The following GRID2 variants were observed in gnomAD, a reference collection of about 807,000 sequenced individuals.
GRID2 encodes the protein glutamate ionotropic receptor delta type subunit 2.
In GRID2, 33 loss-of-function variants were observed where a neutral mutation model predicts 114.8. The observed-to-expected ratio is 0.29, with a 90% CI of 0.22 to 0.38. The LOEUF (loss-of-function observed/expected upper bound fraction) is 0.38. Ranked by LOEUF, GRID2 falls within the 10% of genes least tolerant of loss-of-function variation. GRID2 has a pLI of 1.00. For synonymous variants in GRID2, 505 were observed against 449.9 expected, an observed-to-expected ratio of 1.12 and a Z score of -1.55; for missense variants, 1,184 against 1,257.7, an observed-to-expected ratio of 0.94 and a Z score of 0.89.
chr4:92,332,066 A>G (rs1177600082), intron 1 of GRID2, among the ~76,000 whole-genome samples: 2 of 152,198 alleles, frequency 1.3e-5, no homozygotes, highest in Non-Finnish European at 2.9e-5. Flanking sequence ...TTATGCTTGA[A>G]GCTTAGAAAC....
intron 2 of GRID2, among the ~76,000 whole-genome samples, chr4:92,898,695 G>A (rs1227162813): frequency 6.6e-6 from 1 of 152,108 alleles, no homozygotes; most frequent in African/African-American, 2.4e-5. Flanking sequence ...AATCCTCTGA[G>A]CTTTGATTAT....
At chr4:93,131,066 A>G (rs571918989) in intron 4 of GRID2, among the ~76,000 whole-genome samples, 39 of 152,084 alleles carry the variant, frequency 2.6e-4, no homozygotes, top group African/African-American at 8.4e-4. Flanking sequence ...TTTCTTAGCA[A>G]TGACCAACCC....
At position 93,788,129 on chromosome 4, in the gene GRID2, C is replaced by T. The variant is rs142597678; in HGVS notation, c.222-18586C>T. On this transcript the variant is annotated intron_variant, in intron 1 of 1. Transcript: ENST00000637838. ...GTCAGGAGTTCAAGACCAGCCTGCT[C>T]AACATGGCGAAACCCCGTCTCTACT... Among the ~76,000 whole-genome samples, 6 of 152,130 alleles carry T rather than the reference C, an allele frequency of 3.9e-5. 1 individual carries two copies. In the East Asian group the frequency reaches 1.2e-3, roughly 29 times the overall value.
intron 1 of GRID2, among the ~76,000 whole-genome samples, chr4:92,356,658 T>C (rs1351431362): frequency 6.6e-6 from 1 of 151,842 alleles, no homozygotes. Context: ...ATATATCATA[T>C]AGCCAGACAC....
At chr4:93,126,220 T>C (rs1292569258) in intron 4 of GRID2, among the ~76,000 whole-genome samples, 2 of 152,242 alleles carry the variant, frequency 1.3e-5, no homozygotes, top group Non-Finnish European at 1.5e-5. Context: ...GTTCTCTAAT[T>C]TGGAAATGTT....
intron 2 of GRID2, among the ~76,000 whole-genome samples, chr4:92,842,346 C>T (rs1035533967): frequency 1.3e-5 from 2 of 152,036 alleles, no homozygotes; most frequent in African/African-American, 4.8e-5. Context: ...TAGGAGAGAA[C>T]AAAAACCAAG....
intron 1 of GRID2, among the ~76,000 whole-genome samples, chr4:92,531,646 T>C (rs914553401): frequency 6.6e-6 from 1 of 152,068 alleles, no homozygotes; most frequent in Admixed American, 6.6e-5. Flanking sequence ...TTTAGAGGAA[T>C]GATCATGGAG....
At chr4:92,357,643 G>A (rs1728393946) in intron 1 of GRID2, among the ~76,000 whole-genome samples, 1 of 151,628 alleles carries the variant, frequency 6.6e-6, no homozygotes, top group Admixed American at 6.6e-5. Context: ...TTTTCTGTAT[G>A]ATGACATGAA....
At chr4:92,545,775 C>A (rs1385763562) in intron 1 of GRID2, among the ~76,000 whole-genome samples, 2 of 152,132 alleles carry the variant, frequency 1.3e-5, no homozygotes, top group African/African-American at 2.4e-5. Context: ...CTCATTTCAT[C>A]TATTTATGCA....
At chr4:92,537,652 C>A (rs1236520996) in intron 1 of GRID2, among the ~76,000 whole-genome samples, 1 of 152,050 alleles carries the variant, frequency 6.6e-6, no homozygotes, top group East Asian at 1.9e-4. Flanking sequence ...GCTTGTTCTG[C>A]AAGCAATTCT....
chr4:92,537,351 G>T (rs905891009), intron 1 of GRID2, among the ~76,000 whole-genome samples: 4 of 151,966 alleles, frequency 2.6e-5, no homozygotes, highest in Non-Finnish European at 5.9e-5. Context: ...ACACATTTTT[G>T]ATCTACATCA....
At chr4:92,575,491 G>GT (rs1186456212) in intron 1 of GRID2, among the ~76,000 whole-genome samples, 4 of 152,180 alleles carry the variant, frequency 2.6e-5, no homozygotes, top group Admixed American at 6.5e-5. Context: ...TTTTCGATGG[G>GT]TTTTTTTGTG....
intron 13 of GRID2, among the ~76,000 whole-genome samples, chr4:93,523,705 C>T (rs1326756938): frequency 6.6e-6 from 1 of 152,054 alleles, no homozygotes; most frequent in Non-Finnish European, 1.5e-5. Flanking sequence ...CCTCTTCATC[C>T]CTGACAGTGG....
chr4:92,949,229 T>G (rs1751860659), intron 2 of GRID2, among the ~76,000 whole-genome samples: 1 of 151,806 alleles, frequency 6.6e-6, no homozygotes, highest in Non-Finnish European at 1.5e-5. Context: ...ATGGGATAGA[T>G]TAAATGGAGC....
chr4:93,147,838 C>T (rs570471341), intron 4 of GRID2, among the ~76,000 whole-genome samples: 1 of 152,206 alleles, frequency 6.6e-6, no homozygotes, highest in South Asian at 2.1e-4. Flanking sequence ...TTATATTTTG[C>T]CTTGAAACAT....
chr4:93,515,107 T>A, intron 12 of GRID2, 109 bp from the exon 13 acceptor site: 1 of 457,330 alleles, frequency 2.2e-6, no homozygotes, highest in Non-Finnish European at 3.9e-6. Context: ...AAAAGCAATT[T>A]GATATATGTT....
chr4:93,655,772 A>C (rs1722943560), intron 14 of GRID2, among the ~76,000 whole-genome samples: 1 of 152,028 alleles, frequency 6.6e-6, no homozygotes, highest in Non-Finnish European at 1.5e-5. Context: ...TTGTCTTGGA[A>C]CTTCTTACAA....
At chr4:93,774,904 CA>C (rs995529343), downstream of GRID2, among the ~76,000 whole-genome samples, 4 of 150,162 alleles carry the variant, frequency 2.7e-5, no homozygotes, top group East Asian at 2.0e-4. Flanking sequence ...TGTGTTACAT[CA>C]AAAAAAATAA....
intron 2 of GRID2, among the ~76,000 whole-genome samples, chr4:92,607,163 T>C (rs1729497213): frequency 6.6e-6 from 1 of 151,968 alleles, no homozygotes; most frequent in East Asian, 1.9e-4. Flanking sequence ...CAGCAGGATA[T>C]AAATAACTCC....
Sources: allele counts gnomAD v4.1 joint callset (sites outside exome capture counted in the v4.1 genomes callset), GRCh38; gene constraint gnomAD v4.1.1; transcripts MANE v1.5; gene names NCBI Gene and HGNC (gene_info 2026-07-23, HGNC 2026-07-21).